Variants in STARD9 observed in about 807,000 individuals in gnomAD.
STARD9 encodes the protein StAR related lipid transfer domain containing 9, also known as stAR-related lipid transfer protein 9.
STARD9 carries 346 observed loss-of-function variants against 399.8 expected under a neutral mutation model. The observed-to-expected ratio is 0.87, with a 90% CI of 0.79 to 0.95. The LOEUF (loss-of-function observed/expected upper bound fraction) is 0.95. Ranked by LOEUF, STARD9 falls within the 40% of genes least tolerant of loss-of-function variation. STARD9 has a pLI of 0.00. For missense variants in STARD9, 5,832 were observed against 5,667.5 expected, an observed-to-expected ratio of 1.03 and a Z score of -0.93; for synonymous variants, 2,203 against 2,143.5, an observed-to-expected ratio of 1.03 and a Z score of -0.77.
chr15:42,610,416 G>T (rs1371154144), intron 3 of STARD9, among the ~76,000 whole-genome samples: 2 of 152,124 alleles, frequency 1.3e-5, no homozygotes, highest in African/African-American at 2.4e-5. Flanking sequence ...TCTCAGTTGG[G>T]CCCTAGAGAA....
At chr15:42,673,787 T>C (rs1157717080) in intron 16 of STARD9, 4 of 383,062 alleles carry the variant, frequency 1.0e-5, no homozygotes, top group African/African-American at 8.4e-5. Context: ...TAATCTGAGG[T>C]CTAAAAGGCC....
At chr15:42,650,185 C>T (rs1474902107) in intron 7 of STARD9, among the ~76,000 whole-genome samples, 1 of 152,054 alleles carries the variant, frequency 6.6e-6, no homozygotes, top group Non-Finnish European at 1.5e-5. Flanking sequence ...TTTAAGTCGG[C>T]CTGGTAGCTT....
At chr15:42,610,458 T>G (rs1465545968) in intron 3 of STARD9, among the ~76,000 whole-genome samples, 1 of 152,256 alleles carries the variant, frequency 6.6e-6, no homozygotes, top group Non-Finnish European at 1.5e-5. Flanking sequence ...TACTGACTCC[T>G]GTGTAGCATA....
chr15:42,659,477 A>G (rs994491203), intron 9 of STARD9, among the ~76,000 whole-genome samples: 27 of 152,114 alleles, frequency 1.8e-4, no homozygotes, highest in African/African-American at 6.0e-4. Context: ...TGGGAATGTA[A>G]ATGGTATAGC....
intron 3 of STARD9, among the ~76,000 whole-genome samples, chr15:42,612,817 C>T (rs990466196): frequency 6.6e-6 from 1 of 152,058 alleles, no homozygotes; most frequent in African/African-American, 2.4e-5. Context: ...AACCCCGTCT[C>T]TGCTAAAAGT....
At position 42,686,327 on chromosome 15, in the gene STARD9, G is replaced by A. The variant is rs888895217; in HGVS notation, c.4749G>A (p.Glu1583=). Residue 1583 remains glutamate (E), a synonymous_variant, in exon 23 of 33, where the codon GAG becomes GAA. Coordinates refer to ENST00000290607, the MANE Select transcript of STARD9 (RefSeq NM_020759.3). ...VSDFFSTSEK[E]ASYDETYSAD... ...ATTTCTTTAGCACTAGTGAGAAAGAGGCGAGTTATGACGAAACTTATTCGG... is the reference window on the plus strand; with the variant it reads ...ATTTCTTTAGCACTAGTGAGAAAGAAGCGAGTTATGACGAAACTTATTCGG... 3 of 1,537,468 alleles carry A rather than the reference G, an allele frequency of 2.0e-6. No individual in the cohort carries two copies. In the South Asian group the frequency reaches 3.6e-5, roughly 18 times the overall value.
intron 15 of STARD9, among the ~76,000 whole-genome samples, chr15:42,668,867 TG>T (rs755196120): frequency 1.3e-4 from 20 of 152,196 alleles, no homozygotes; most frequent in Non-Finnish European, 2.1e-4. Context: ...GAAAATAACA[TG>T]TTTTTTTCTA....
chr15:42,674,527 G>T, intron 17 of STARD9, 36 bp downstream of exon 17: 2 of 1,523,776 alleles, frequency 1.3e-6, no homozygotes, highest in Non-Finnish European at 1.8e-6. Flanking sequence ...GCATTTTGGG[G>T]CTAGTATTTG....
intron 7 of STARD9, among the ~76,000 whole-genome samples, chr15:42,643,581 C>T (rs764843101): frequency 6.6e-5 from 10 of 152,000 alleles, no homozygotes; most frequent in Non-Finnish European, 8.8e-5. Flanking sequence ...ACCTCTGCCT[C>T]CCGGGTTCAA....
chr15:42,620,523 A>G (rs1179728845), intron 3 of STARD9, among the ~76,000 whole-genome samples: 2 of 152,062 alleles, frequency 1.3e-5, no homozygotes, highest in African/African-American at 2.4e-5. Context: ...AATTGCTGCC[A>G]TCTAATCCTT....
Position 42,687,702 on chromosome 15 carries a change from A to G in STARD9, c.6124A>G (p.Asn2042Asp), listed in dbSNP as rs749381965. 2.4e-5 allele frequency: 37 copies of G among 1,537,256 alleles called. No homozygotes were observed. Among genetic ancestry groups the G allele is most frequent in the Non-Finnish European group, 5.2e-6 (6 of 1,146,896 alleles). Residue 2042 changes from asparagine (N) to aspartate (D), a missense_variant, in exon 23 of 33, where the codon AAT becomes GAT. By Grantham distance (23) the Asn-to-Asp change is conservative (BLOSUM62 1). Transcript: ENST00000290607. ...TGGAAAGAAACAGAATAAAAGAGTT[A>G]ATAATACTGATGAAATGGCTAGGCT... ...PSGKKQNKRV[N>D]NTDEMARLIR...
intron 9 of STARD9, among the ~76,000 whole-genome samples, chr15:42,658,784 C>A (rs991025296): frequency 2.0e-5 from 3 of 151,644 alleles, no homozygotes; most frequent in Non-Finnish European, 4.4e-5. Context: ...GTGCCTGGCC[C>A]CTTTTGCACT....
chr15:42,597,996 A>ATGTGTGTGTGTG (rs1267453797), intron 3 of STARD9, among the ~76,000 whole-genome samples: 22 of 43,980 alleles, frequency 5.0e-4, no homozygotes, highest in Middle Eastern at 0.021. Flanking sequence ...GTTTGTATAT[A>ATGTGTGTGTGTG]TATATGTGTG....
chr15:42,624,981 G>A (rs2059170940), intron 3 of STARD9, among the ~76,000 whole-genome samples: 1 of 152,174 alleles, frequency 6.6e-6, no homozygotes, highest in South Asian at 2.1e-4. Flanking sequence ...GACCCATAGA[G>A]ATAAGTAATA....
Position 42,690,030 on chromosome 15 carries a change from A to T in STARD9, c.8452A>T (p.Thr2818Ser). The T allele has an allele frequency of 6.5e-7, 1 of 1,537,484 alleles. No individual in the cohort carries two copies. The highest frequency in any genetic ancestry group is 8.7e-7 in the Non-Finnish European group (1 of 1,146,966). ...AGCCCATTTTGAAAGTCAGTCTGTGACCTGTGATGTTCAGAATTCTACAAG... is the reference window on the plus strand; with the variant it reads ...AGCCCATTTTGAAAGTCAGTCTGTGTCCTGTGATGTTCAGAATTCTACAAG... ...KTAHFESQSVTCDVQNSTSAS... is the reference protein window; with the variant it reads ...KTAHFESQSVSCDVQNSTSAS... The change falls in exon 23 of 33, where the codon ACC (threonine) becomes TCC (serine). Residue 2818 changes from threonine to serine, a missense_variant. Transcript: ENST00000290607.
At position 42,684,922 on chromosome 15, in the gene STARD9, T is replaced by C; in HGVS notation, c.3344T>C (p.Val1115Ala). ...SNYSLDSLSC[V>A]YAKALIEPLK... ...TACTCATTGGATTCTCTCTCATGTGTCTATGCCAAAGCCCTGATAGAGCCA... is the reference window on the plus strand; with the variant it reads ...TACTCATTGGATTCTCTCTCATGTGCCTATGCCAAAGCCCTGATAGAGCCA... The change falls in exon 23 of 33, where the codon GTC (valine) becomes GCC (alanine). Residue 1115 changes from valine (V) to alanine (A), a missense_variant. By Grantham distance (64) the Val-to-Ala change is moderately conservative. Transcript: ENST00000290607. 1 of 1,537,000 alleles carries C rather than the reference T, an allele frequency of 6.5e-7. No individual in the cohort carries two copies. The highest frequency in any genetic ancestry group is 8.7e-7 in the Non-Finnish European group (1 of 1,146,916).
At chr15:42,641,405 G>T (rs1212814) in intron 7 of STARD9, among the ~76,000 whole-genome samples, 2 of 151,750 alleles carry the variant, frequency 1.3e-5, no homozygotes, top group African/African-American at 2.4e-5. Flanking sequence ...TAGGGTACAT[G>T]TGCACAATGT....
chr15:42,633,116 TG>T (rs758967592), intron 3 of STARD9, among the ~76,000 whole-genome samples: 1 of 151,120 alleles, frequency 6.6e-6, no homozygotes, highest in Non-Finnish European at 1.5e-5. Context: ...CACTCCAGCC[TG>T]GGGGACAGAG....
intron 1 of STARD9, among the ~76,000 whole-genome samples, chr15:42,576,340 G>A (rs1416885011): frequency 6.6e-6 from 1 of 152,180 alleles, no homozygotes; most frequent in Non-Finnish European, 1.5e-5. Context: ...AGAGCCCTCA[G>A]TGCCCGTTTT....
Sources: allele counts gnomAD v4.1 joint callset (sites outside exome capture counted in the v4.1 genomes callset), GRCh38; gene constraint gnomAD v4.1.1; transcripts MANE v1.5; gene names NCBI Gene and HGNC (gene_info 2026-07-23, HGNC 2026-07-21).